Variants in CLUH observed in about 807,000 individuals in gnomAD.
CLUH encodes the protein clustered mitochondria protein homolog.
In CLUH, 77 loss-of-function variants were observed where a neutral mutation model predicts 139.3. That is an observed-to-expected ratio of 0.55 (90% confidence interval 0.46 to 0.67). The LOEUF is 0.67. CLUH is among the 30% of genes least tolerant of loss of function. CLUH has a pLI of 0.00. For missense variants in CLUH, 1,876 were observed against 1,875.8 expected, an observed-to-expected ratio of 1.00 and a Z score of 0.00; for synonymous variants, 999 against 801.6, an observed-to-expected ratio of 1.25 and a Z score of -4.16.
In CLUH at chr17:2,701,925, C is replaced by T. The variant is rs775523268; in HGVS notation, c.608G>A (p.Gly203Asp). 6.2e-7 allele frequency: 1 copy of T among 1,613,856 alleles called. No individual in the cohort carries two copies. The highest frequency in any genetic ancestry group is 8.5e-7 in the Non-Finnish European group (1 of 1,179,904). ...SLSFLSVFTD[G>D]DLGDSGKRKK... ...AGTGCCTCCCGCACCTCCCAGGTCGCCGTCGGTGAAGACACTCAGGAAGGA... is the reference window on the plus strand; with the variant it reads ...AGTGCCTCCCGCACCTCCCAGGTCGTCGTCGGTGAAGACACTCAGGAAGGA... Residue 203 changes from glycine (G) to aspartate (D), a missense_variant, in exon 4 of 26, where the codon GGC becomes GAC. Transcript: ENST00000651024.
At position 2,703,251 on chromosome 17, in the gene CLUH, G is replaced by C; in HGVS notation, c.475+67C>G. On this transcript the variant is annotated intron_variant, in intron 3 of 25. Transcript: ENST00000651024. The surrounding 1 kb of genome is among the most constrained non-coding windows in gnomAD (Gnocchi z 4.2). Reference sequence around the variant, plus strand: ...TCCGTGACACAGGGACCCTGGCATGGATGGTGCTGCCTGCCTCTGCCTCCG... The same window carrying C: ...TCCGTGACACAGGGACCCTGGCATGCATGGTGCTGCCTGCCTCTGCCTCCG... 1 of 1,498,548 alleles carries C rather than the reference G, an allele frequency of 6.7e-7. No homozygotes were observed. Among genetic ancestry groups the C allele is most frequent in the Non-Finnish European group, 9.0e-7 (1 of 1,108,762 alleles). 92.8% of individuals were successfully genotyped at this position (1,498,548 alleles called of 1,614,324 possible).
In CLUH at chr17:2,691,343, C is replaced by T. The variant is rs556702641; in HGVS notation, c.3863+266G>A. Among the ~76,000 whole-genome samples, 10 of 152,148 alleles carry T rather than the reference C, an allele frequency of 6.6e-5. 1 individual carries two copies. In the South Asian group the frequency reaches 2.1e-3, roughly 32 times the overall value. ...CTCTGAGAGGCCGAGGCGGGCGGAT[C>T]GCAAGGTTAAGAGTTCGAGACCAGC... On this transcript the variant is annotated intron_variant, in intron 25 of 25. Transcript: ENST00000651024.
Position 2,704,395 on chromosome 17 carries a change from G to T in CLUH, c.270C>A (p.Ile90=), listed in dbSNP as rs769826353. 2.5e-6 allele frequency: 4 copies of T among 1,611,818 alleles called. No individual in the cohort carries two copies. Among genetic ancestry groups the T allele is most frequent in the Non-Finnish European group, 3.4e-6 (4 of 1,179,132 alleles). ...AGAAGGGCTCGATCCCAGGGGCGAG[G>T]ATCTTCACAGAAAAGCCCGTGTCCT... The part of the protein sequence containing the change: ...VIQDTGFSVK[I]LAPGIEPFSL... The change falls in exon 2 of 26, where the codon ATC becomes ATA. Residue 90 remains isoleucine (I), a synonymous_variant. Transcript: ENST00000651024. This position sits in a 1 kb window ranked among gnomAD's most constrained non-coding sequence, Gnocchi z 5.7.
rs775292526 is a variant in CLUH at position 2,704,328 on chromosome 17, G to A, written c.303+34C>T. ...CAGCTCACCCTCCCCAGCAGGCTCA[G>A]GCCTGGCCCCCAGCACCCGTTCCTC... On this transcript the variant is annotated intron_variant, in intron 2 of 25. Coordinates refer to ENST00000651024, the MANE Select transcript of CLUH (RefSeq NM_001366661.1). The surrounding 1 kb of genome is among the most constrained non-coding windows in gnomAD (Gnocchi z 5.7). 2.0e-5 allele frequency: 32 copies of A among 1,591,998 alleles called. No homozygotes were observed. In the Admixed American group the frequency reaches 3.3e-4, roughly 16 times the overall value.
At position 2,711,680 on chromosome 17, in the gene CLUH, CCG is replaced by C; in HGVS notation, c.-21_-20del. ...TAACCATGGTGGCGGGAGCGGGCGT[CCG>C]CCTCGGCTGTCCGCGCCGCCCGCCG... On this transcript the variant is annotated 5_prime_UTR_variant, in exon 1 of 26. Coordinates refer to ENST00000651024, the MANE Select transcript of CLUH (RefSeq NM_001366661.1). 1.0e-6 allele frequency: 1 copy of C among 972,340 alleles called. No individual in the cohort carries two copies. The highest frequency in any genetic ancestry group is 1.2e-6 in the Non-Finnish European group (1 of 818,216). 60.2% of individuals were successfully genotyped at this position (972,340 alleles called of 1,614,324 possible). A position where few individuals can be genotyped will look rare whatever the true frequency, so the allele number is the denominator to read the frequency against.
In CLUH at chr17:2,698,157, T is replaced by C; in HGVS notation, c.1700A>G (p.Lys567Arg). ...ELLERTSRPL[K>R]ILRHQVLNDR... ...GTTGAGCACCTGGTGCCGCAGGATC[T>C]TGAGGGGCCGACTCGTGCGCTCCAG... Residue 567 changes from lysine (K) to arginine (R), a missense_variant, in exon 10 of 26, where the codon AAG (lysine) becomes AGG (arginine). By Grantham distance (26) the Lys-to-Arg change is conservative. Coordinates refer to ENST00000651024, the MANE Select transcript of CLUH (RefSeq NM_001366661.1). 2 of 1,578,950 alleles carry C rather than the reference T, an allele frequency of 1.3e-6. No individual in the cohort carries two copies. Among genetic ancestry groups the C allele is most frequent in the Non-Finnish European group, 1.7e-6 (2 of 1,163,518 alleles).
chr17:2,698,562 G>C lies in CLUH; in HGVS notation c.1295C>G (p.Thr432Ser), dbSNP rs376241839. 1.2e-6 allele frequency: 2 copies of C among 1,608,776 alleles called. No homozygotes were observed. The highest frequency in any genetic ancestry group is 1.7e-6 in the Non-Finnish European group (2 of 1,177,328). The change falls in exon 10 of 26, where the codon ACC (threonine) becomes AGC (serine). Residue 432 changes from threonine (T) to serine (S), a missense_variant. By Grantham distance (58) the Thr-to-Ser change is moderately conservative (BLOSUM62 1). Around this residue, in one of 3 missense-constraint regions of CLUH, gnomAD observed 1,454 missense variants for 1,384.4 expected, o/e 1.05. Coordinates refer to ENST00000651024, the MANE Select transcript of CLUH (RefSeq NM_001366661.1). Reference sequence around the variant, plus strand: ...GTCAATGACGGCCATGGCGCCCCTGGTGGCTGCCGCGGTGAAGTCGCTGTG... The same window carrying C: ...GTCAATGACGGCCATGGCGCCCCTGCTGGCTGCCGCGGTGAAGTCGCTGTG... ...KVHSDFTAAA[T>S]RGAMAVIDGN... is the part of the protein sequence containing the mutation.
rs749041840 is a variant in CLUH, at chr17:2,703,391, G to A, written c.402C>T (p.Asn134=). Residue 134 remains asparagine (N), a synonymous_variant, in exon 3 of 26, where the codon AAC becomes AAT. Coordinates refer to ENST00000651024, the MANE Select transcript of CLUH (RefSeq NM_001366661.1). The surrounding 1 kb of genome is among the most constrained non-coding windows in gnomAD (Gnocchi z 4.2). Reference sequence around the variant, plus strand: ...GCAGCTCCGAGAAGTGGTCCAGCACGTTGCCATCCAGGTGCAGTGAGAAGC... The same window carrying A: ...GCAGCTCCGAGAAGTGGTCCAGCACATTGCCATCCAGGTGCAGTGAGAAGC... ...RTCFSLHLDG[N]VLDHFSELRS... 1.5e-5 allele frequency: 25 copies of A among 1,613,508 alleles called. No homozygotes were observed. Among genetic ancestry groups the A allele is most frequent in the East Asian group, 1.1e-4 (5 of 44,866 alleles).
Position 2,704,472 on chromosome 17 carries a change from C to T in CLUH, c.193G>A (p.Asp65Asn). The change falls in exon 2 of 26, where the codon GAC (aspartate) becomes AAC (asparagine). Residue 65 changes from aspartate to asparagine, a missense_variant. Physicochemically the swap from Asp to Asn is conservative, Grantham distance 23 (BLOSUM62 1). This residue lies in a region of CLUH where 152 missense variants were observed against 136.7 expected (regional missense o/e 1.11). Transcript: ENST00000651024. The surrounding 1 kb of genome is among the most constrained non-coding windows in gnomAD (Gnocchi z 5.7). ...GTCTCATCTCCCGGGCCGGCCTCGT[C>T]AAGCCCATTTTCCCTGGGTGGCTCG... ...AAEPPRENGL[D>N]EAGPGDETTG... 1.9e-6 allele frequency: 3 copies of T among 1,598,800 alleles called. No homozygotes were observed. The highest frequency in any genetic ancestry group is 2.6e-6 in the Non-Finnish European group (3 of 1,173,178).
At chr17:2,695,150 A>G (rs773097418) in intron 15 of CLUH, 49 bp from the exon 16 acceptor site, 7 of 1,613,304 alleles carry the variant, frequency 4.3e-6, no homozygotes, top group Admixed American at 1.7e-5. Flanking sequence ...GCCCCACCTC[A>G]GGCTCTTTCC....
intron 1 of CLUH, among the ~76,000 whole-genome samples, chr17:2,705,997 C>A (rs573524102): frequency 2.1e-4 from 32 of 150,936 alleles, no homozygotes; most frequent in Non-Finnish European, 1.5e-4. Flanking sequence ...ATGGGCCAGG[C>A]TCACCTGCCT....
At position 2,700,660 on chromosome 17, in the gene CLUH, G is replaced by C. The variant is rs1597616954; in HGVS notation, c.1173+18C>G. Reference sequence around the variant, plus strand: ...AGGGCAGGGGTGCCCAGCGAGGGCAGGGCCAGGTTGCAGGCACCTGTCCAG... The same window carrying C: ...AGGGCAGGGGTGCCCAGCGAGGGCACGGCCAGGTTGCAGGCACCTGTCCAG... On this transcript the variant is annotated intron_variant, in intron 8 of 25. Coordinates refer to ENST00000651024, the MANE Select transcript of CLUH (RefSeq NM_001366661.1). 2 of 1,518,200 alleles carry C rather than the reference G, an allele frequency of 1.3e-6. No individual in the cohort carries two copies. Among genetic ancestry groups the C allele is most frequent in the Non-Finnish European group, 8.8e-7 (1 of 1,137,456 alleles). 94.0% of individuals were successfully genotyped at this position (1,518,200 alleles called of 1,614,324 possible). A position where few individuals can be genotyped will look rare whatever the true frequency, so the allele number is the denominator to read the frequency against.
intron 18 of CLUH, 35 bp from the exon 19 acceptor site, chr17:2,694,074 CG>C (rs1567580448): frequency 6.2e-7 from 1 of 1,613,812 alleles, no homozygotes; most frequent in South Asian, 1.1e-5. Context: ...AAGGTCAGGA[CG>C]GGCCATGGGG....
chr17:2,707,271 G>A lies in CLUH; in HGVS notation c.101-2707C>T, dbSNP rs1174326142. On this transcript the variant is annotated intron_variant, in intron 1 of 25. Transcript: ENST00000651024. This position sits in a 1 kb window ranked among gnomAD's most constrained non-coding sequence, Gnocchi z 7.4. Reference sequence around the variant, plus strand: ...CTCCAGCTCAGCCCCAGCATTGCCCGGGTTCCTTGTTCCAGCCTCTGCCGC... The same window carrying A: ...CTCCAGCTCAGCCCCAGCATTGCCCAGGTTCCTTGTTCCAGCCTCTGCCGC... 20 of 985,328 alleles carry A rather than the reference G, an allele frequency of 2.0e-5. No homozygotes were observed. Among genetic ancestry groups the A allele is most frequent in the Non-Finnish European group, 2.4e-5 (20 of 829,932 alleles). The allele number at this position is 985,328 out of a possible 1,614,324, so 61.0% of individuals were successfully genotyped here. A position where few individuals can be genotyped will look rare whatever the true frequency, so the allele number is the denominator to read the frequency against.
rs1353493911 is a variant in CLUH, at chr17:2,701,639, G to A, written c.718C>T (p.Leu240=). ...PGSRERPLCP[L]QPQNRDWKPL... ...TTCCAGTCACGGTTTTGGGGCTGCA[G>A]GGGACACAGTGGCCGCTCCCGGCTC... The change falls in exon 5 of 26, where the codon CTG becomes TTG. Residue 240 remains leucine (L), a synonymous_variant. Coordinates refer to ENST00000651024, the MANE Select transcript of CLUH (RefSeq NM_001366661.1). 24 of 1,607,670 alleles carry A rather than the reference G, an allele frequency of 1.5e-5. No individual in the cohort carries two copies. The highest frequency in any genetic ancestry group is 2.0e-5 in the Non-Finnish European group (24 of 1,177,128).
At position 2,691,900 on chromosome 17, in the gene CLUH, G is replaced by A. The variant is rs575869585; in HGVS notation, c.3655-5C>T. The A allele has an allele frequency of 2.6e-6, 4 of 1,525,198 alleles. No individual in the cohort carries two copies. The highest frequency in any genetic ancestry group is 1.4e-5 in the African/African-American group (1 of 71,408). The allele number at this position is 1,525,198 out of a possible 1,614,324, so 94.5% of individuals were successfully genotyped here. A position where few individuals can be genotyped will look rare whatever the true frequency, so the allele number is the denominator to read the frequency against. The stretch of plus-strand genomic sequence containing the variant: ...CTTCTCATGGTCCTCGCCCAGCTGC[G>A]GGGAGGCGGGAAGGGATCAGGCCCC... On this transcript the variant is annotated splice_polypyrimidine_tract_variant and splice_region_variant and intron_variant, in intron 23 of 25. Coordinates refer to ENST00000651024, the MANE Select transcript of CLUH (RefSeq NM_001366661.1).
At position 2,698,769 on chromosome 17, in the gene CLUH, C is replaced by A. The variant is rs750252707; in HGVS notation, c.1267-179G>T. On this transcript the variant is annotated intron_variant, in intron 9 of 25. Transcript: ENST00000651024. ...GCAAGAAAACCATGTTTTGGCCGGG[C>A]GCGGTGGCTCACACCTGTAATCCCA... 4.6e-5 allele frequency among the ~76,000 whole-genome samples: 7 copies of A among 152,084 alleles called. No homozygotes were observed. In the East Asian group the frequency reaches 1.3e-3, roughly 29 times the overall value.
chr17:2,705,699 C>T (rs1181979149), intron 1 of CLUH, among the ~76,000 whole-genome samples: 1 of 152,164 alleles, frequency 6.6e-6, no homozygotes, highest in Non-Finnish European at 1.5e-5. Context: ...AGCAGCTCTA[C>T]CCACCACCTT....
Position 2,703,544 on chromosome 17 carries a change from A to T in CLUH, c.304-55T>A, listed in dbSNP as rs2070253292. ...TGAGAGAGCACGTAGCGGGGAGAGA[A>T]GGCCCCAACCGCCCCGGTGAGAGGC... On this transcript the variant is annotated intron_variant, in intron 2 of 25. Transcript: ENST00000651024. This position sits in a 1 kb window ranked among gnomAD's most constrained non-coding sequence, Gnocchi z 4.2. 1 of 1,576,232 alleles carries T rather than the reference A, an allele frequency of 6.3e-7. No individual in the cohort carries two copies. The highest frequency in any genetic ancestry group is 2.3e-5 in the East Asian group (1 of 44,386).
Sources: gnomAD v4.1 joint callset for allele counts (sites outside exome capture counted in the v4.1 genomes callset) on GRCh38, gnomAD v4.1.1 for gene constraint, gnomAD v4.1.1 regional missense constraint, Gnocchi (gnomAD v3.1) non-coding constraint, MANE v1.5 for transcripts, NCBI Gene and HGNC (gene_info 2026-07-23, HGNC 2026-07-21) for gene names.